LINGO1: variants seen among roughly 807,000 people sequenced by gnomAD.
LINGO1 encodes leucine-rich repeat and immunoglobulin-like domain-containing nogo receptor-interacting protein 1.
LINGO1 carries 11 observed loss-of-function variants against 37.3 expected under a neutral mutation model. That is an observed-to-expected ratio of 0.29 (90% CI 0.19 to 0.49). The LOEUF (loss-of-function observed/expected upper bound fraction) is 0.49. Among genes scored for constraint, LINGO1 ranks in the 20% least tolerant of loss-of-function variants. The pLI is 0.99. For missense variants in LINGO1, 585 were observed against 878.2 expected, an observed-to-expected ratio of 0.67 and a Z score of 4.22; for synonymous variants, 387 against 403.0, an observed-to-expected ratio of 0.96 and a Z score of 0.48.
intron 1 of LINGO1, among the ~76,000 whole-genome samples, chr15:77,757,384 G>C (rs2076431086): frequency 6.6e-6 from 1 of 152,168 alleles, no homozygotes; most frequent in African/African-American, 2.4e-5. Context: ...ATCATATGGG[G>C]GGTGGTCCAC....
At chr15:77,743,204 A>G (rs1244825461) in intron 1 of LINGO1, among the ~76,000 whole-genome samples, 1 of 152,102 alleles carries the variant, frequency 6.6e-6, no homozygotes, top group East Asian at 1.9e-4. Flanking sequence ...AGTCGTAGGC[A>G]GCACCTTTCC....
intron 1 of LINGO1, among the ~76,000 whole-genome samples, chr15:77,622,192 G>C (rs2073943212): frequency 2.0e-5 from 3 of 152,166 alleles, no homozygotes; most frequent in African/African-American, 7.2e-5. Flanking sequence ...AGAAATGATG[G>C]GGAGAGCAGG....
At chr15:77,638,468 G>T (rs2074438117), upstream of LINGO1, among the ~76,000 whole-genome samples, 1 of 152,230 alleles carries the variant, frequency 6.6e-6, no homozygotes, top group African/African-American at 2.4e-5. Context: ...TGGGCTCTGT[G>T]CTTGGCAGAG....
intron 1 of LINGO1, among the ~76,000 whole-genome samples, chr15:77,755,196 G>T (rs1231078187): frequency 6.6e-6 from 1 of 152,192 alleles, no homozygotes; most frequent in Non-Finnish European, 1.5e-5. Context: ...CTCTGCTCCT[G>T]CCCATCCCAG....
chr15:77,651,249 A>C (rs2074752379), intron 3 of LINGO1: 1 of 152,242 alleles, frequency 6.6e-6, no homozygotes, highest in South Asian at 2.1e-4. Context: ...AAATGAATGA[A>C]TGACAGAAGA....
upstream of LINGO1, among the ~76,000 whole-genome samples, chr15:77,696,656 T>C (rs1054582290): frequency 6.6e-6 from 1 of 152,174 alleles, no homozygotes; most frequent in Admixed American, 6.5e-5. Flanking sequence ...AAACCCTCCC[T>C]GCCCCCTATC....
chr15:77,737,708 C>G (rs2076216930), intron 1 of LINGO1, among the ~76,000 whole-genome samples: 1 of 151,730 alleles, frequency 6.6e-6, no homozygotes, highest in Non-Finnish European at 1.5e-5. Flanking sequence ...GGTCCCTGAG[C>G]TCTCAGCAGC....
At chr15:77,785,206 G>A (rs2076759591) in intron 1 of LINGO1, 1 of 152,216 alleles carries the variant, frequency 6.6e-6, no homozygotes, top group African/African-American at 2.4e-5. Flanking sequence ...TCCACCAAGG[G>A]TGAGCCTCCC....
At chr15:77,714,934 T>C (rs994175069) in intron 2 of LINGO1, among the ~76,000 whole-genome samples, 2 of 152,226 alleles carry the variant, frequency 1.3e-5, no homozygotes, top group African/African-American at 4.8e-5. Context: ...AAGAAGACAT[T>C]AGCCATAACG....
At chr15:77,694,747 GAAATA>G (rs2075660828) in intron 1 of LINGO1, among the ~76,000 whole-genome samples, 1 of 152,192 alleles carries the variant, frequency 6.6e-6, no homozygotes, top group African/African-American at 2.4e-5. Context: ...GCCCAGAAAT[GAAATA>G]AAGTAGGGTC....
intron 2 of LINGO1, among the ~76,000 whole-genome samples, chr15:77,794,408 GTGTATATACATACGTA>G (rs1567588293): frequency 8.9e-5 from 4 of 44,950 alleles, no homozygotes; most frequent in Admixed American, 3.1e-4. Flanking sequence ...ACGTATATAT[GTGTATATACATACGTA>G]TATGTATATA....
chr15:77,809,233 T>A (rs559905530), intron 1 of LINGO1, among the ~76,000 whole-genome samples: 1 of 152,272 alleles, frequency 6.6e-6, no homozygotes, highest in Non-Finnish European at 1.5e-5. Context: ...AGGTCAGCTC[T>A]CAGCCATCCT....
intron 2 of LINGO1, among the ~76,000 whole-genome samples, chr15:77,679,035 G>A (rs1333093440): frequency 2.6e-5 from 4 of 152,042 alleles, no homozygotes; most frequent in African/African-American, 7.3e-5. Context: ...TGAGTAGCTG[G>A]GATTACAGAT....
At chr15:77,727,445 T>C (rs544123094) in intron 2 of LINGO1, among the ~76,000 whole-genome samples, 11 of 152,330 alleles carry the variant, frequency 7.2e-5, no homozygotes, top group African/African-American at 2.2e-4. Flanking sequence ...TGCCACAGTA[T>C]GGATGAACAC....
At chr15:77,787,508 C>T (rs2076783245), upstream of LINGO1, among the ~76,000 whole-genome samples, 2 of 132,398 alleles carry the variant, frequency 1.5e-5, no homozygotes, top group Admixed American at 7.7e-5. Flanking sequence ...ACAGGGGTCC[C>T]GGTGGAGGGT....
upstream of LINGO1, chr15:77,634,444 G>C (rs1177806631): frequency 2.4e-6 from 1 of 416,434 alleles, no homozygotes; most frequent in Non-Finnish European, 4.8e-6. Context: ...ATGCTCTACT[G>C]TGAACTGTAC....
intron 1 of LINGO1, among the ~76,000 whole-genome samples, chr15:77,628,160 T>C (rs1476748605): frequency 1.3e-5 from 2 of 152,206 alleles, no homozygotes; most frequent in Non-Finnish European, 1.5e-5. Flanking sequence ...GCAAATATCC[T>C]AGTAAGAGTG....
intron 2 of LINGO1, among the ~76,000 whole-genome samples, chr15:77,720,986 A>G (rs2076044054): frequency 6.6e-6 from 1 of 152,040 alleles, no homozygotes; most frequent in African/African-American, 2.4e-5. Flanking sequence ...TGGAGAGGAT[A>G]CAGGGGAACA....
In LINGO1 at chr15:77,713,541, G is replaced by T. The variant is rs551694524; in HGVS notation, c.-195+21451C>A. Reference sequence around the variant, plus strand: ...GCGGGGAGGGGTGTGCTGGCACAGGGAGTCTTGTAGTGTGGTGCAGATCTA... The same window carrying T: ...GCGGGGAGGGGTGTGCTGGCACAGGTAGTCTTGTAGTGTGGTGCAGATCTA... On this transcript the variant is annotated intron_variant, in intron 2 of 3. Transcript: ENST00000561686. 5.9e-5 allele frequency among the ~76,000 whole-genome samples: 9 copies of T among 152,110 alleles called. No individual in the cohort carries two copies. In the South Asian group the frequency reaches 1.9e-3, roughly 32 times the overall value.
Sources: allele counts gnomAD v4.1 joint callset (sites outside exome capture counted in the v4.1 genomes callset), GRCh38; gene constraint gnomAD v4.1.1; transcripts MANE v1.5; gene names NCBI Gene and HGNC (gene_info 2026-07-23, HGNC 2026-07-21).